The following ZFAND4 variants were observed in gnomAD, a reference collection of about 807,000 sequenced individuals.
The protein encoded by ZFAND4 is zinc finger AN1-type containing 4.
A neutral mutation model predicts 64.4 loss-of-function variants in ZFAND4; 43 were observed. The ratio of observed to expected loss-of-function variants is 0.67; its 90% CI spans 0.52 to 0.86. The LOEUF is 0.86. ZFAND4 is among the 40% of genes least tolerant of loss of function. The pLI, the probability that ZFAND4 is intolerant of heterozygous loss-of-function variation, is 0.00. For synonymous variants in ZFAND4, 296 were observed against 305.7 expected, an observed-to-expected ratio of 0.97 and a Z score of 0.33; for missense variants, 929 against 859.8, an observed-to-expected ratio of 1.08 and a Z score of -1.01.
rs376183400 is a variant in ZFAND4, at chr10:45,626,079, A to G, written c.1744T>C (p.Leu582=). The change falls in exon 7 of 10, where the codon TTA becomes CTA. Residue 582 remains leucine, a synonymous_variant. Transcript: ENST00000344646. ...SLAGSTSRNR[L]QSTRGAGRLQ... Reference sequence around the variant, plus strand: ...CTGCCTGCCCCACGTGTGCTCTGTAATCTATTTCTGCTTGTGCTCCCGGCC... The same window carrying G: ...CTGCCTGCCCCACGTGTGCTCTGTAGTCTATTTCTGCTTGTGCTCCCGGCC... The G allele has an allele frequency of 1.3e-5, 21 of 1,613,936 alleles. No homozygotes were observed. Among genetic ancestry groups the G allele is most frequent in the Non-Finnish European group, 1.6e-5 (19 of 1,180,034 alleles).
chr10:45,663,896 TAA>T, intron 1 of ZFAND4, 54 bp from the exon 2 acceptor site: 1 of 532,044 alleles, frequency 1.9e-6, no homozygotes, highest in East Asian at 3.5e-5. Context: ...TATTTGTCCA[TAA>T]AGATTTTCCG....
chr10:45,671,200 G>A (rs997210498), intron 1 of ZFAND4, among the ~76,000 whole-genome samples: 1 of 152,212 alleles, frequency 6.6e-6, no homozygotes, highest in African/African-American at 2.4e-5. Context: ...GAGAGGATGT[G>A]TAGAAATAGG....
At chr10:45,642,882 T>G (rs1416388209) in intron 5 of ZFAND4, among the ~76,000 whole-genome samples, 1 of 151,130 alleles carries the variant, frequency 6.6e-6, no homozygotes, top group Non-Finnish European at 1.5e-5. Context: ...CTAAATTTTT[T>G]TTAGTGCTAT....
chr10:45,652,505 G>T (rs2133794430), intron 3 of ZFAND4, among the ~76,000 whole-genome samples: 1 of 152,254 alleles, frequency 6.6e-6, no homozygotes, highest in African/African-American at 2.4e-5. Context: ...TGAAAGAGGG[G>T]AGAAATAAGA....
chr10:45,635,066 C>G (rs1032716721), intron 6 of ZFAND4, among the ~76,000 whole-genome samples: 2 of 151,310 alleles, frequency 1.3e-5, no homozygotes, highest in Non-Finnish European at 2.9e-5. Context: ...TCCATACTGC[C>G]CAACGCAATC....
rs200155845 is a variant in ZFAND4 at position 45,653,100 on chromosome 10, A to G, written c.185-41T>C. The G allele has an allele frequency of 6.0e-4, 837 of 1,396,750 alleles. 4 individuals are homozygous for G. The highest frequency in any genetic ancestry group is 2.7e-3 in the Middle Eastern group (15 of 5,500). 86.5% of individuals were successfully genotyped at this position (1,396,750 alleles called of 1,614,324 possible). Reference sequence around the variant, plus strand: ...TTAAAAAAAAGTGTTAAAGAATTCAATAGCATCTCCAAAAGAGTATGATAC... The same window carrying G: ...TTAAAAAAAAGTGTTAAAGAATTCAGTAGCATCTCCAAAAGAGTATGATAC... On this transcript the variant is annotated intron_variant, in intron 2 of 9. Coordinates refer to ENST00000344646, the MANE Select transcript of ZFAND4 (RefSeq NM_174890.4).
chr10:45,624,443 T>C, intron 8 of ZFAND4, 140 bp downstream of exon 8: 2 of 663,732 alleles, frequency 3.0e-6, no homozygotes, highest in Non-Finnish European at 5.0e-6. Flanking sequence ...TATTCTTAAT[T>C]GGAAAAAGCA....
chr10:45,622,417 T>C (rs895495235), intron 8 of ZFAND4, among the ~76,000 whole-genome samples: 3 of 152,164 alleles, frequency 2.0e-5, no homozygotes, highest in African/African-American at 7.2e-5. Flanking sequence ...AAAAGCTTCA[T>C]GGTATTGGAT....
intron 2 of ZFAND4, among the ~76,000 whole-genome samples, chr10:45,660,160 CAAAAA>C (rs59673620): frequency 1.1e-5 from 1 of 92,554 alleles, no homozygotes; most frequent in Non-Finnish European, 2.2e-5. Context: ...AGACGCATCT[CAAAAA>C]AAAAAAAAAA....
chr10:45,667,303 A>G (rs781470487), intron 1 of ZFAND4, among the ~76,000 whole-genome samples: 2 of 152,012 alleles, frequency 1.3e-5, no homozygotes, highest in East Asian at 1.9e-4. Context: ...TAATATCTTG[A>G]TCCTGTACAC....
intron 1 of ZFAND4, among the ~76,000 whole-genome samples, chr10:45,665,094 A>C (rs920175836): frequency 2.0e-5 from 3 of 152,242 alleles, no homozygotes; most frequent in Non-Finnish European, 4.4e-5. Context: ...TAGAAGTAGT[A>C]AACTAAATGA....
At chr10:45,625,852 T>G in intron 7 of ZFAND4, 99 bp downstream of exon 7, 1 of 1,120,088 alleles carries the variant, frequency 8.9e-7, no homozygotes, top group African/African-American at 1.6e-5. Flanking sequence ...AATAATCTAA[T>G]CTTAGCCTTC....
intron 6 of ZFAND4, among the ~76,000 whole-genome samples, chr10:45,635,070 C>T (rs187879775): frequency 8.2e-4 from 124 of 151,396 alleles, no homozygotes; most frequent in Non-Finnish European, 1.2e-3. Context: ...TACTGCCCAA[C>T]GCAATCTACA....
chr10:45,662,476 G>T, intron 2 of ZFAND4: 1 of 437,686 alleles, frequency 2.3e-6, no homozygotes, highest in Non-Finnish European at 3.0e-6. Flanking sequence ...TATTTACAAC[G>T]CAAGATTTCA....
chr10:45,618,230 A>G lies in ZFAND4; in HGVS notation c.1958T>C (p.Val653Ala), dbSNP rs770217595. 1 of 1,613,650 alleles carries G rather than the reference A, an allele frequency of 6.2e-7. No individual in the cohort carries two copies. The highest frequency in any genetic ancestry group is 1.7e-5 in the Admixed American group (1 of 59,922). ...GECTTHHLPP[V>A]KAPLQTKKKT... ...CTTCTTTGTCTGAAGAGGGGCTTTC[A>G]CAGGTGGGAGGTGATGAGTAGTACA... The change falls in exon 9 of 10, where the codon GTG (valine) becomes GCG (alanine). Residue 653 changes from valine to alanine, a missense_variant. Physicochemically the swap from Val to Ala is moderately conservative, Grantham distance 64. Transcript: ENST00000344646.
intron 1 of ZFAND4, among the ~76,000 whole-genome samples, chr10:45,665,651 A>G (rs542760184): frequency 1.1e-4 from 17 of 152,306 alleles, no homozygotes; most frequent in Admixed American, 6.5e-4. Flanking sequence ...TTGTGCAACA[A>G]TCACCACATT....
At chr10:45,668,023 G>T (rs2048946751) in intron 1 of ZFAND4, among the ~76,000 whole-genome samples, 1 of 152,026 alleles carries the variant, frequency 6.6e-6, no homozygotes, top group South Asian at 2.1e-4. Context: ...TTTTTTCATT[G>T]TCTATTGAAA....
At chr10:45,640,481 T>C (rs1309643655) in intron 5 of ZFAND4, 2 of 1,146,360 alleles carry the variant, frequency 1.7e-6, no homozygotes, top group African/African-American at 3.4e-5. Flanking sequence ...TTTTCTATTC[T>C]TAAGGAGCAA....
At chr10:45,651,772 T>C (rs568119984) in intron 4 of ZFAND4, 194 bp downstream of exon 4, 321 of 623,290 alleles carry the variant, frequency 5.2e-4, no homozygotes, top group Admixed American at 1.6e-3. Flanking sequence ...AATCATGTGA[T>C]TTTTCTGAAT....
Sources: allele counts gnomAD v4.1 joint callset (sites outside exome capture counted in the v4.1 genomes callset), GRCh38; gene constraint gnomAD v4.1.1; transcripts MANE v1.5; gene names NCBI Gene and HGNC (gene_info 2026-07-23, HGNC 2026-07-21).